HPRT1: variants seen among roughly 807,000 people sequenced by gnomAD.
HPRT1 encodes hypoxanthine phosphoribosyltransferase 1.
HPRT1 carries 4 observed loss-of-function variants against 19.0 expected under a neutral mutation model. The ratio of observed to expected loss-of-function variants is 0.21; its 90% CI spans 0.10 to 0.48. HPRT1 has a LOEUF of 0.48. Ranked by LOEUF, HPRT1 falls within the 20% of genes least tolerant of loss-of-function variation. The pLI is 0.98. For missense variants in HPRT1, 65 were observed against 164.0 expected, an observed-to-expected ratio of 0.40 and a Z score of 3.30; for synonymous variants, 53 against 54.9, an observed-to-expected ratio of 0.97 and a Z score of 0.15.
At position 134,460,232 on chromosome X, in the gene HPRT1, C is replaced by CTGCGTG; in HGVS notation, c.-76_-75insTGTGCG. 9.6e-7 allele frequency: 1 copy of CTGCGTG among 1,040,648 alleles called. No individual in the cohort carries two copies. Among genetic ancestry groups the CTGCGTG allele is most frequent in the Non-Finnish European group, 1.3e-6 (1 of 782,851 alleles). 85.8% of individuals were successfully genotyped at this position (1,040,648 alleles called of 1,213,427 possible). The stretch of plus-strand genomic sequence containing the variant: ...CTTTCCCGCGCGGCGCCGCCTCTTG[C>CTGCGTG]TGCGCCTCCGCCTCCTCCTCTGCTC... On this transcript the variant is annotated 5_prime_UTR_variant, in exon 1 of 9. Coordinates refer to ENST00000298556, the MANE Select transcript of HPRT1 (RefSeq NM_000194.3).
At chrX:134,462,758 T>A (rs1476967190) in intron 1 of HPRT1, among the ~76,000 whole-genome samples, 1 of 112,487 alleles carries the variant, frequency 8.9e-6, no homozygotes, top group Non-Finnish European at 1.9e-5. Flanking sequence ...CTCTTCCTTT[T>A]TAAAAAATTT....
intron 1 of HPRT1, among the ~76,000 whole-genome samples, chrX:134,467,991 TA>T: frequency 9.2e-6 from 1 of 108,266 alleles, no homozygotes; most frequent in Middle Eastern, 4.7e-3. Flanking sequence ...TTTGTATTTT[TA>T]GTAGAGACGG....
intron 1 of HPRT1, among the ~76,000 whole-genome samples, chrX:134,473,147 C>T (rs1239467433): frequency 8.9e-6 from 1 of 112,046 alleles, no homozygotes; most frequent in Non-Finnish European, 1.9e-5. Context: ...GCCTCAGCCT[C>T]CCAAAGTGCT....
At chrX:134,484,659 G>A (rs2077648145) in intron 3 of HPRT1, among the ~76,000 whole-genome samples, 5 of 112,192 alleles carry the variant, frequency 4.5e-5, no homozygotes. Context: ...GCAACACAGT[G>A]TTCCACTACT....
At chrX:134,471,000 A>T (rs1372015368) in intron 1 of HPRT1, among the ~76,000 whole-genome samples, 2 of 109,400 alleles carry the variant, frequency 1.8e-5, no homozygotes, top group Non-Finnish European at 3.8e-5. Context: ...ATATTTCTCT[A>T]TACCCACCCA....
At chrX:134,465,139 G>A (rs192565565) in intron 1 of HPRT1, among the ~76,000 whole-genome samples, 231 of 107,763 alleles carry the variant, frequency 2.1e-3, no homozygotes, top group Non-Finnish European at 3.3e-3. Context: ...CAGGCCAGGG[G>A]TGATCCGCCC....
At chrX:134,466,826 A>G (rs1462563121) in intron 1 of HPRT1, among the ~76,000 whole-genome samples, 1 of 111,740 alleles carries the variant, frequency 8.9e-6, no homozygotes, top group Admixed American at 9.6e-5. Flanking sequence ...AGGCAGTAGA[A>G]TGTAATCACT....
intron 6 of HPRT1, among the ~76,000 whole-genome samples, chrX:134,497,992 T>C (rs1468648515): frequency 8.9e-6 from 1 of 111,964 alleles, no homozygotes; most frequent in African/African-American, 3.2e-5. Context: ...TGCTCACCTC[T>C]CCCACACCCT....
At chrX:134,464,639 G>A (rs1044503067) in intron 1 of HPRT1, among the ~76,000 whole-genome samples, 3 of 111,173 alleles carry the variant, frequency 2.7e-5, no homozygotes, top group African/African-American at 9.8e-5. Context: ...GTGCAGTGAT[G>A]CAATCTCGGC....
intron 3 of HPRT1, among the ~76,000 whole-genome samples, chrX:134,481,790 G>A (rs1464592932): frequency 1.8e-5 from 2 of 111,286 alleles, no homozygotes; most frequent in East Asian, 2.8e-4. Flanking sequence ...GAACATGAAG[G>A]TGTAGTAGTC....
At chrX:134,488,072 C>T (rs959484451) in intron 4 of HPRT1, among the ~76,000 whole-genome samples, 4 of 110,578 alleles carry the variant, frequency 3.6e-5, no homozygotes, top group Middle Eastern at 4.7e-3. Context: ...ATAAGTATAA[C>T]GAGTGAAAGT....
intron 6 of HPRT1, among the ~76,000 whole-genome samples, chrX:134,498,053 TC>T (rs2077686265): frequency 8.9e-6 from 1 of 112,545 alleles, no homozygotes; most frequent in South Asian, 3.7e-4. Context: ...AGAGCCCTTT[TC>T]ATCTTTGCTC....
At chrX:134,493,941 G>A (rs1441533755) in intron 6 of HPRT1, among the ~76,000 whole-genome samples, 1 of 111,758 alleles carries the variant, frequency 8.9e-6, no homozygotes, top group Non-Finnish European at 1.9e-5. Context: ...TGAAGATCTG[G>A]ACCTCCTGGA....
chrX:134,462,195 T>A (rs977028642), intron 1 of HPRT1, among the ~76,000 whole-genome samples: 2 of 111,092 alleles, frequency 1.8e-5, no homozygotes, highest in South Asian at 3.8e-4. Flanking sequence ...TTATTTATTT[T>A]TTGAGATGGA....
intron 3 of HPRT1, among the ~76,000 whole-genome samples, chrX:134,481,691 G>A (rs2077641027): frequency 8.9e-6 from 1 of 111,774 alleles, no homozygotes; most frequent in Admixed American, 9.6e-5. Flanking sequence ...AGGTTCAAAA[G>A]TATACTTTCT....
chrX:134,468,848 A>G (rs1274727479), intron 1 of HPRT1, among the ~76,000 whole-genome samples: 4 of 111,699 alleles, frequency 3.6e-5, no homozygotes, highest in African/African-American at 9.7e-5. Flanking sequence ...TCAAGCTGGG[A>G]AAAGTTGTCA....
intron 3 of HPRT1, among the ~76,000 whole-genome samples, chrX:134,486,193 A>G (rs2077652208): frequency 9.0e-6 from 1 of 111,223 alleles, no homozygotes; most frequent in Admixed American, 9.6e-5. Flanking sequence ...ATTTTTTAGG[A>G]CTCTTAAAAA....
chrX:134,483,978 T>G (rs1379048168), intron 3 of HPRT1, among the ~76,000 whole-genome samples: 1 of 111,721 alleles, frequency 9.0e-6, no homozygotes, highest in Admixed American at 9.5e-5. Flanking sequence ...AAGACCAGCC[T>G]GAGCAAAATA....
chrX:134,477,600 C>T (rs1160790680), intron 3 of HPRT1, among the ~76,000 whole-genome samples: 1 of 110,906 alleles, frequency 9.0e-6, no homozygotes, highest in Non-Finnish European at 1.9e-5. Context: ...CACTTGAGGC[C>T]AGGGGTTCGA....
Sources: allele counts gnomAD v4.1 joint callset (sites outside exome capture counted in the v4.1 genomes callset), GRCh38; gene constraint gnomAD v4.1.1; transcripts MANE v1.5; gene names NCBI Gene and HGNC (gene_info 2026-07-23, HGNC 2026-07-21).